Variants in CD163L1 observed in about 807,000 individuals in gnomAD.
CD163L1 encodes the protein CD163 molecule like 1.
In CD163L1, 124 loss-of-function variants were observed where a neutral mutation model predicts 165.4. That is an observed-to-expected ratio of 0.75 (90% confidence interval 0.65 to 0.87). The LOEUF (loss-of-function observed/expected upper bound fraction) is 0.87, where lower values mean the gene tolerates loss of function less well. CD163L1 is among the 40% of genes least tolerant of loss of function. CD163L1 has a pLI of 0.00. For missense variants in CD163L1, 1,525 were observed against 1,799.9 expected (o/e 0.85, Z 2.76); for synonymous variants, 585 against 662.2 (o/e 0.88, Z 1.79).
At chr12:7,402,534 G>A (rs1297904093) in intron 6 of CD163L1, among the ~76,000 whole-genome samples, 1 of 151,994 alleles carries the variant, frequency 6.6e-6, no homozygotes, top group Non-Finnish European at 1.5e-5. Context: ...ATACTCCCCA[G>A]ACACCTGTGC....
At chr12:7,405,535 A>G (rs1947999132) in intron 5 of CD163L1, among the ~76,000 whole-genome samples, 1 of 152,204 alleles carries the variant, frequency 6.6e-6, no homozygotes, top group Admixed American at 6.6e-5. Flanking sequence ...CAAAAGTCCT[A>G]TAAGGATGGC....
At chr12:7,397,751 A>G (rs1256254817) in intron 7 of CD163L1, among the ~76,000 whole-genome samples, 1 of 152,214 alleles carries the variant, frequency 6.6e-6, no homozygotes, top group Non-Finnish European at 1.5e-5. Context: ...AAAGTGTCTT[A>G]TGTGGAAGTG....
At chr12:7,407,260 G>C (rs1948043792) in intron 4 of CD163L1, among the ~76,000 whole-genome samples, 1 of 152,222 alleles carries the variant, frequency 6.6e-6, no homozygotes, top group Admixed American at 6.5e-5. Context: ...AGATATCATT[G>C]TCATCACTGT....
At chr12:7,326,190 T>C in the CD163L1 span, among the ~76,000 whole-genome samples, 1 of 151,588 alleles carries the variant, frequency 6.6e-6, no homozygotes, top group Non-Finnish European at 1.5e-5. Flanking sequence ...TCCTGAGAGG[T>C]TTTTGGCTTT....
chr12:7,393,231 A>G lies in CD163L1; in HGVS notation c.2050+2864T>C, dbSNP rs7486725. ...TCAAAAAGCCTATCCACCACGGTCA[A>G]GTTGGCTTCATCCCTGGGATGCCAG... On this transcript the variant is annotated intron_variant, in intron 8 of 19. Coordinates refer to ENST00000313599, the MANE Select transcript of CD163L1 (RefSeq NM_174941.6). Among the ~76,000 whole-genome samples the G allele has an allele frequency of 1.8e-3, 269 of 152,334 alleles. 7 individuals are homozygous for G. The East Asian group carries it at 0.047, about 27-fold the overall frequency.
the CD163L1 span, chr12:7,328,573 A>AT: frequency 2.9e-6 from 1 of 348,472 alleles, no homozygotes; most frequent in South Asian, 3.3e-5. Context: ...GAAAATTGTT[A>AT]TAATGACCAA....
chr12:7,439,487 GATC>G, intron 2 of CD163L1: 1 of 1,583,304 alleles, frequency 6.3e-7, no homozygotes, highest in East Asian at 2.2e-5. Context: ...TTCTTTTTCA[GATC>G]ATCTGGGCTT....
chr12:7,420,984 G>GGTATATATATACATATATGTATATACGT lies in CD163L1; in HGVS notation c.766+11431_766+11432insACGTATATACATATATGTATATATATAC, dbSNP rs1555201969. Among the ~76,000 whole-genome samples the GGTATATATATACATATATGTATATACGT allele has an allele frequency of 5.4e-4, 55 of 101,548 alleles. 1 individual carries two copies. The highest frequency in any genetic ancestry group is 2.6e-3 in the African/African-American group (49 of 19,138). The allele number at this position is 101,548 out of a possible 152,430, so 66.6% of individuals were successfully genotyped here. A position where few individuals can be genotyped will look rare whatever the true frequency, so the allele number is the denominator to read the frequency against. On this transcript the variant is annotated intron_variant, in intron 4 of 19. Transcript: ENST00000313599. ...ATCAATGACTGGGTAAAGAAATTGT[G>GGTATATATATACATATATGTATATACGT]GTATATATATACATATATATATATA...
At chr12:7,364,806 A>G (rs1221506691) in intron 18 of CD163L1, among the ~76,000 whole-genome samples, 5 of 152,158 alleles carry the variant, frequency 3.3e-5, no homozygotes, top group Admixed American at 6.5e-5. Flanking sequence ...AAAAAGAAGT[A>G]TATTTCATGC....
intron 4 of CD163L1, among the ~76,000 whole-genome samples, chr12:7,348,058 C>T (rs750004655): frequency 6.6e-6 from 1 of 152,126 alleles, no homozygotes. Context: ...TTTAAAGTAT[C>T]CCCTTCACTC....
In CD163L1 at chr12:7,398,276, C is replaced by A. The variant is rs765915343; in HGVS notation, c.1717G>T (p.Val573Leu). 6.2e-7 allele frequency: 1 copy of A among 1,613,252 alleles called. No individual in the cohort carries two copies. The change falls in exon 7 of 20, where the codon GTA becomes TTA. Residue 573 changes from valine to leucine, a missense_variant. By Grantham distance (32) the Val-to-Leu change is conservative. Coordinates refer to ENST00000313599, the MANE Select transcript of CD163L1 (RefSeq NM_174941.6). This position sits in a 1 kb window ranked among gnomAD's most constrained non-coding sequence, Gnocchi z 4.5. ...HNCVHREDVI[V>L]TCSGDATWGL... ...GAACAAGTCTTACCTGAGCAGGTTA[C>A]AATCACATCCTCTCTGTGTACACAA...
intron 18 of CD163L1, among the ~76,000 whole-genome samples, chr12:7,359,681 AG>A (rs1016372393): frequency 6.6e-6 from 1 of 152,190 alleles, no homozygotes; most frequent in African/African-American, 2.4e-5. Context: ...GGGAAGCATT[AG>A]AGAAGAAATA....
the CD163L1 span, among the ~76,000 whole-genome samples, chr12:7,320,294 T>C: frequency 1.3e-5 from 2 of 152,218 alleles, no homozygotes; most frequent in African/African-American, 2.4e-5. Flanking sequence ...TGAAAAAGAC[T>C]AATGTATTTT....
Position 7,369,476 on chromosome 12 carries a change from G to A in CD163L1, c.3920C>T (p.Thr1307Ile). The A allele has an allele frequency of 6.2e-7, 1 of 1,614,168 alleles. No individual in the cohort carries two copies. Among genetic ancestry groups the A allele is most frequent in the Non-Finnish European group, 8.5e-7 (1 of 1,180,034 alleles). ...RDASFGQGTG[T>I]IWLDDMRCKG... is the part of the protein sequence containing the mutation. ...GCACCGCATGTCATCCAACCAGATGGTTCCAGTTCCCTGGCCAAACGAAGC... is the reference window on the plus strand; with the variant it reads ...GCACCGCATGTCATCCAACCAGATGATTCCAGTTCCCTGGCCAAACGAAGC... The change falls in exon 15 of 20, where the codon ACC becomes ATC. Residue 1307 changes from threonine to isoleucine, a missense_variant. Physicochemically the swap from Thr to Ile is moderately conservative, Grantham distance 89 (BLOSUM62 -1). Transcript: ENST00000313599. This position sits in a 1 kb window ranked among gnomAD's most constrained non-coding sequence, Gnocchi z 4.9.
At chr12:7,390,687 T>C (rs1460181043) in intron 8 of CD163L1, among the ~76,000 whole-genome samples, 1 of 152,184 alleles carries the variant, frequency 6.6e-6, no homozygotes, top group Non-Finnish European at 1.5e-5. Flanking sequence ...TTCAAGTCTA[T>C]ATCAGAGCTT....
the CD163L1 span, among the ~76,000 whole-genome samples, chr12:7,331,699 C>A: frequency 6.6e-6 from 1 of 152,202 alleles, no homozygotes; most frequent in African/African-American, 2.4e-5. Flanking sequence ...CCAGCAAATT[C>A]CAACAGACCT....
chr12:7,325,628 C>T, the CD163L1 span, among the ~76,000 whole-genome samples: 17 of 152,164 alleles, frequency 1.1e-4, no homozygotes, highest in Non-Finnish European at 2.1e-4. Context: ...GCCTGGACAA[C>T]AGAGACAGAC....
At chr12:7,322,669 T>G in the CD163L1 span, 3 of 1,205,222 alleles carry the variant, frequency 2.5e-6, no homozygotes, top group Non-Finnish European at 3.4e-6. Context: ...TACCTCACCT[T>G]GCCAGTAGTT....
intron 18 of CD163L1, among the ~76,000 whole-genome samples, chr12:7,360,191 G>A (rs956889036): frequency 1.3e-5 from 2 of 151,816 alleles, no homozygotes; most frequent in Non-Finnish European, 2.9e-5. Context: ...CACCCAGGCT[G>A]GAGTGCAATG....
Sources: gnomAD v4.1 joint callset for allele counts (sites outside exome capture counted in the v4.1 genomes callset) on GRCh38, gnomAD v4.1.1 for gene constraint, Gnocchi (gnomAD v3.1) non-coding constraint, MANE v1.5 for transcripts, NCBI Gene and HGNC (gene_info 2026-07-23, HGNC 2026-07-21) for gene names.